IMMP2L: variants seen among roughly 807,000 people sequenced by gnomAD.
The protein encoded by IMMP2L is inner mitochondrial membrane peptidase subunit 2.
A neutral mutation model predicts 19.3 loss-of-function variants in IMMP2L; 18 were observed. The observed-to-expected ratio is 0.93, with a 90% CI of 0.64 to 1.38. The LOEUF is 1.38. Among genes scored for constraint, IMMP2L ranks in the 40% most tolerant of loss-of-function variants. IMMP2L has a pLI of 0.00. For synonymous variants in IMMP2L, 76 were observed against 73.0 expected (o/e 1.04, Z -0.21); for missense variants, 233 against 218.2 (o/e 1.07, Z -0.43).
intron 3 of IMMP2L, among the ~76,000 whole-genome samples, chr7:111,296,123 G>A (rs781000094): frequency 2.6e-5 from 4 of 151,624 alleles, no homozygotes; most frequent in African/African-American, 7.3e-5. Flanking sequence ...GAAAATATTT[G>A]CAATAAGTAT....
chr7:111,124,605 C>T (rs746637119), intron 3 of IMMP2L: 1 of 1,613,890 alleles, frequency 6.2e-7, no homozygotes, highest in Non-Finnish European at 8.5e-7. Flanking sequence ...ATGTCACCAC[C>T]AAAGGTTTGC....
Position 110,791,012 on chromosome 7 carries a change from C to T in IMMP2L, c.408+95581G>A, listed in dbSNP as rs533234505. On this transcript the variant is annotated intron_variant, in intron 5 of 5. Coordinates refer to ENST00000405709, the MANE Select transcript of IMMP2L (RefSeq NM_032549.4). ...ACAGACTTGGTATTTGGCAGGTGAA[C>T]CATCAAGAAAATTCCATAAACACAA... Among the ~76,000 whole-genome samples the T allele has an allele frequency of 2.6e-4, 40 of 151,536 alleles. 1 individual carries two copies. Among genetic ancestry groups the T allele is most frequent in the African/African-American group, 9.8e-4 (40 of 41,008 alleles).
chr7:111,277,914 A>G (rs1819279233), intron 3 of IMMP2L, among the ~76,000 whole-genome samples: 1 of 152,216 alleles, frequency 6.6e-6, no homozygotes, highest in African/African-American at 2.4e-5. Context: ...ATAAAAAAGA[A>G]TAAAATCATG....
At chr7:111,388,562 C>T (rs1305718224) in intron 3 of IMMP2L, among the ~76,000 whole-genome samples, 9 of 151,772 alleles carry the variant, frequency 5.9e-5, no homozygotes, top group Admixed American at 4.6e-4. Context: ...AAAGACATAC[C>T]CAAAACTGGG....
At chr7:110,784,827 G>T (rs1799961945) in intron 5 of IMMP2L, among the ~76,000 whole-genome samples, 2 of 151,796 alleles carry the variant, frequency 1.3e-5, no homozygotes, top group South Asian at 4.1e-4. Context: ...GAGCTCCCCT[G>T]TGCTACCAGG....
chr7:110,980,477 G>T (rs4727752), intron 3 of IMMP2L, among the ~76,000 whole-genome samples: 2 of 151,854 alleles, frequency 1.3e-5, no homozygotes, highest in African/African-American at 2.4e-5. Context: ...CGGCCTCCCA[G>T]AGTGCTGGGA....
chr7:110,799,125 T>C (rs1391068594), intron 5 of IMMP2L, among the ~76,000 whole-genome samples: 1 of 152,030 alleles, frequency 6.6e-6, no homozygotes, highest in Non-Finnish European at 1.5e-5. Context: ...ATACCAGTTA[T>C]CTCCCTTTGA....
At chr7:110,665,790 C>A (rs114433126) in intron 5 of IMMP2L, among the ~76,000 whole-genome samples, 2 of 152,112 alleles carry the variant, frequency 1.3e-5, no homozygotes, top group South Asian at 2.1e-4. Flanking sequence ...ATAAATAAAT[C>A]TTTTTCCTTC....
At chr7:111,154,638 T>C (rs1484018371) in intron 3 of IMMP2L, among the ~76,000 whole-genome samples, 1 of 152,220 alleles carries the variant, frequency 6.6e-6, no homozygotes, top group Non-Finnish European at 1.5e-5. Flanking sequence ...CAAATCTTAC[T>C]TGCTGTGAAC....
intron 3 of IMMP2L, among the ~76,000 whole-genome samples, chr7:111,426,834 A>T (rs1246341354): frequency 6.6e-6 from 1 of 151,170 alleles, no homozygotes; most frequent in Non-Finnish European, 1.5e-5. Flanking sequence ...TTTTTAAATA[A>T]TGAAAGTCAG....
intron 3 of IMMP2L, among the ~76,000 whole-genome samples, chr7:111,016,650 A>G (rs1260889038): frequency 9.3e-6 from 1 of 108,074 alleles, no homozygotes; most frequent in African/African-American, 3.9e-5. Context: ...TATTATGTGC[A>G]TATATACATA....
chr7:111,407,004 C>A (rs1003913759), intron 3 of IMMP2L, among the ~76,000 whole-genome samples: 1 of 152,084 alleles, frequency 6.6e-6, no homozygotes, highest in Admixed American at 6.6e-5. Context: ...CCGACATATA[C>A]ATAATGAAAT....
At chr7:111,316,889 C>T (rs1470409683) in intron 3 of IMMP2L, among the ~76,000 whole-genome samples, 1 of 117,088 alleles carries the variant, frequency 8.5e-6, no homozygotes, top group Non-Finnish European at 1.6e-5. Flanking sequence ...CTCGCTATGT[C>T]GCCAGACTGG....
In IMMP2L at chr7:111,239,752, G is replaced by A. The variant is rs572800016; in HGVS notation, c.239+247486C>T. Among the ~76,000 whole-genome samples, 27 of 151,960 alleles carry A rather than the reference G, an allele frequency of 1.8e-4. No individual in the cohort carries two copies. In the East Asian group the frequency reaches 5.2e-3, roughly 29 times the overall value. On this transcript the variant is annotated intron_variant, in intron 3 of 5. Coordinates refer to ENST00000405709, the MANE Select transcript of IMMP2L (RefSeq NM_032549.4). ...AAAAAGATGAGAGCAGCAATCACTG[G>A]AAAAAATGTAGGGGGAAAAATGAGC...
intron 1 of IMMP2L, among the ~76,000 whole-genome samples, chr7:111,558,920 G>A (rs1295721915): frequency 6.6e-6 from 1 of 152,100 alleles, no homozygotes; most frequent in African/African-American, 2.4e-5. Context: ...TTTTCTTTAA[G>A]AATATTTTCT....
intron 3 of IMMP2L, among the ~76,000 whole-genome samples, chr7:111,465,835 A>C (rs1220089452): frequency 2.0e-5 from 3 of 152,310 alleles, no homozygotes; most frequent in South Asian, 2.1e-4. Flanking sequence ...GTATATACCC[A>C]AAGGATTATA....
At chr7:111,024,325 A>G (rs964724648) in intron 3 of IMMP2L, among the ~76,000 whole-genome samples, 6 of 152,204 alleles carry the variant, frequency 3.9e-5, no homozygotes, top group African/African-American at 1.2e-4. Context: ...TCAGCTGATC[A>G]GGACTCAGCT....
At chr7:111,084,412 G>A (rs1049227441) in intron 3 of IMMP2L, among the ~76,000 whole-genome samples, 1 of 151,970 alleles carries the variant, frequency 6.6e-6, no homozygotes, top group African/African-American at 2.4e-5. Flanking sequence ...CACGCAAGTA[G>A]AGACATTTAC....
intron 5 of IMMP2L, among the ~76,000 whole-genome samples, chr7:110,790,132 T>G (rs1277453894): frequency 6.6e-6 from 1 of 151,524 alleles, no homozygotes; most frequent in Non-Finnish European, 1.5e-5. Flanking sequence ...CATAGCTCCA[T>G]AAATATTCCT....
Sources: allele counts gnomAD v4.1 joint callset (sites outside exome capture counted in the v4.1 genomes callset), GRCh38; gene constraint gnomAD v4.1.1; transcripts MANE v1.5; gene names NCBI Gene and HGNC (gene_info 2026-07-23, HGNC 2026-07-21).